Variants in IGF1R observed in about 807,000 individuals in gnomAD.
IGF1R encodes insulin-like growth factor 1 receptor.
IGF1R carries 44 observed loss-of-function variants against 144.6 expected under a neutral mutation model. The observed-to-expected ratio is 0.30, with a 90% CI of 0.24 to 0.39. The LOEUF (loss-of-function observed/expected upper bound fraction) is 0.39. Ranked by LOEUF, IGF1R falls within the 10% of genes least tolerant of loss-of-function variation. The pLI is 1.00. For synonymous variants in IGF1R, 795 were observed against 722.8 expected, an observed-to-expected ratio of 1.10 and a Z score of -1.60; for missense variants, 1,355 against 1,833.7, an observed-to-expected ratio of 0.74 and a Z score of 4.77.
intron 9 of IGF1R, 161 bp from the exon 10 acceptor site, chr15:98,916,511 C>T (rs927040775): frequency 2.8e-6 from 2 of 720,452 alleles, no homozygotes; most frequent in Non-Finnish European, 4.9e-6. Context: ...ATTTGCCCGC[C>T]TCGGCCTCCC....
At chr15:98,729,062 A>AT (rs1463875672) in intron 2 of IGF1R, among the ~76,000 whole-genome samples, 2 of 152,364 alleles carry the variant, frequency 1.3e-5, no homozygotes, top group Non-Finnish European at 2.9e-5. Context: ...TACTATCATA[A>AT]TTTTTAAATT....
chr15:98,684,745 G>A (rs2053281332), intron 1 of IGF1R, among the ~76,000 whole-genome samples: 1 of 152,112 alleles, frequency 6.6e-6, no homozygotes, highest in African/African-American at 2.4e-5. Flanking sequence ...TGTGTGCTGA[G>A]AGAGCGCATG....
intron 2 of IGF1R, among the ~76,000 whole-genome samples, chr15:98,765,964 T>C (rs1164954611): frequency 1.3e-5 from 2 of 152,170 alleles, no homozygotes; most frequent in Non-Finnish European, 2.9e-5. Flanking sequence ...TCTGGTTCTG[T>C]GCAGTGGCAG....
intron 2 of IGF1R, among the ~76,000 whole-genome samples, chr15:98,732,649 A>G (rs755669041): frequency 3.9e-5 from 6 of 152,208 alleles, no homozygotes; most frequent in East Asian, 3.8e-4. Flanking sequence ...AGGAAAAGCA[A>G]TGAGCTTACG....
rs1460439441 is a variant in IGF1R, at chr15:98,959,247, C to T, written c.*1805C>T. 1.3e-5 allele frequency: 3 copies of T among 233,522 alleles called. No individual in the cohort carries two copies. The highest frequency in any genetic ancestry group is 2.5e-5 in the Non-Finnish European group (3 of 118,008). The allele number at this position is 233,522 out of a possible 1,614,324, so 14.5% of individuals were successfully genotyped here. On this transcript the variant is annotated 3_prime_UTR_variant, in exon 21 of 21. Transcript: ENST00000650285. The stretch of plus-strand genomic sequence containing the variant: ...GTACAACAGCAGTGTTAACCGCAGA[C>T]ACTAGGCATTTGGATTACTATTTTT...
rs763842788 is a variant in IGF1R, at chr15:98,707,923, C to G, written c.456C>G (p.Leu152=). The change falls in exon 2 of 21, where the codon CTC becomes CTG. Residue 152 remains leucine (L), a synonymous_variant. Coordinates refer to ENST00000650285, the MANE Select transcript of IGF1R (RefSeq NM_000875.5). The surrounding 1 kb of genome is among the most constrained non-coding windows in gnomAD (Gnocchi z 6.7). ...AGAAAAATGCTGACCTCTGTTACCT[C>G]TCCACTGTGGACTGGTCCCTGATCC... The part of the protein sequence containing the change: ...RIEKNADLCY[L]STVDWSLILD... The G allele has an allele frequency of 6.2e-7, 1 of 1,614,178 alleles. No homozygotes were observed. Among genetic ancestry groups the G allele is most frequent in the Admixed American group, 1.7e-5 (1 of 60,030 alleles).
chr15:98,908,632 G>C lies in IGF1R; in HGVS notation c.1248-53G>C, dbSNP rs895874599. 13 of 1,394,110 alleles carry C rather than the reference G, an allele frequency of 9.3e-6. No individual in the cohort carries two copies. The East Asian group carries it at 2.8e-4, about 30-fold the overall frequency. 86.4% of individuals were successfully genotyped at this position (1,394,110 alleles called of 1,614,324 possible). A position where few individuals can be genotyped will look rare whatever the true frequency, so the allele number is the denominator to read the frequency against. On this transcript the variant is annotated intron_variant, in intron 5 of 20. Coordinates refer to ENST00000650285, the MANE Select transcript of IGF1R (RefSeq NM_000875.5). ...CCTGTGTTACGTGGCCAGCAGGCTA[G>C]AGGGGACTGTGGCCAAGGGCAGGTG...
chr15:98,801,477 G>C (rs1433044789), intron 2 of IGF1R, among the ~76,000 whole-genome samples: 1 of 152,194 alleles, frequency 6.6e-6, no homozygotes, highest in Non-Finnish European at 1.5e-5. Flanking sequence ...CTGCCTGTGT[G>C]AGCCTCGACA....
At chr15:98,785,110 A>G (rs1170169776) in intron 2 of IGF1R, among the ~76,000 whole-genome samples, 1 of 152,234 alleles carries the variant, frequency 6.6e-6, no homozygotes, top group African/African-American at 2.4e-5. Flanking sequence ...TATGATTACA[A>G]TTTTAAAATT....
At chr15:98,947,398 C>T (rs1350078682) in intron 19 of IGF1R, among the ~76,000 whole-genome samples, 1 of 152,210 alleles carries the variant, frequency 6.6e-6, no homozygotes, top group African/African-American at 2.4e-5. Flanking sequence ...TGGAAATCTC[C>T]TGCCCCAGGT....
rs777660537 is a variant in IGF1R, at chr15:98,707,002, C to T, written c.95-560C>T. ...ACGTGTGGAGAGAACACAGTCTACT[C>T]GGCTTATGTCAAATGGTAGTGGGAA... On this transcript the variant is annotated intron_variant, in intron 1 of 20. Transcript: ENST00000650285. This position sits in a 1 kb window ranked among gnomAD's most constrained non-coding sequence, Gnocchi z 6.7. Among the ~76,000 whole-genome samples the T allele has an allele frequency of 2.6e-5, 4 of 152,126 alleles. No individual in the cohort carries two copies. Among genetic ancestry groups the T allele is most frequent in the Non-Finnish European group, 4.4e-5 (3 of 68,030 alleles).
intron 19 of IGF1R, among the ~76,000 whole-genome samples, chr15:98,943,628 G>T (rs2016446231): frequency 2.0e-5 from 3 of 152,210 alleles, no homozygotes; most frequent in South Asian, 4.1e-4. Flanking sequence ...TCGACCGAGG[G>T]ATCAGAGGCC....
At chr15:98,725,373 A>G (rs745956943) in intron 2 of IGF1R, among the ~76,000 whole-genome samples, 3 of 152,186 alleles carry the variant, frequency 2.0e-5, no homozygotes, top group Non-Finnish European at 2.9e-5. Context: ...TCCCATGTTG[A>G]TGAAAGGGCA....
chr15:98,751,826 A>T (rs2055019214), intron 2 of IGF1R, among the ~76,000 whole-genome samples: 1 of 152,208 alleles, frequency 6.6e-6, no homozygotes. Context: ...CACGAATAAG[A>T]AAAATAAGGG....
At chr15:98,663,564 A>G (rs557732105) in intron 1 of IGF1R, among the ~76,000 whole-genome samples, 17 of 152,336 alleles carry the variant, frequency 1.1e-4, no homozygotes, top group African/African-American at 3.8e-4. Context: ...TCTCCTCTAA[A>G]AATGAAGGTG....
chr15:98,865,166 T>C (rs1422739804), intron 2 of IGF1R, among the ~76,000 whole-genome samples: 1 of 152,218 alleles, frequency 6.6e-6, no homozygotes, highest in Non-Finnish European at 1.5e-5. Flanking sequence ...ATATAGCTTT[T>C]GAAGGGGAGA....
intron 2 of IGF1R, among the ~76,000 whole-genome samples, chr15:98,772,757 G>A (rs1332241778): frequency 6.7e-6 from 1 of 148,366 alleles, no homozygotes; most frequent in African/African-American, 2.5e-5. Flanking sequence ...TTTTTTCCTT[G>A]TTGGGGAGGA....
chr15:98,894,658 AT>A (rs1567182599), intron 3 of IGF1R, among the ~76,000 whole-genome samples: 3 of 152,286 alleles, frequency 2.0e-5, no homozygotes, highest in African/African-American at 7.2e-5. Flanking sequence ...GATCCCAGCA[AT>A]TTGGGAGGCT....
intron 2 of IGF1R, among the ~76,000 whole-genome samples, chr15:98,732,052 A>T (rs150691894): frequency 6.6e-6 from 1 of 152,298 alleles, no homozygotes; most frequent in Non-Finnish European, 1.5e-5. Flanking sequence ...GCAACTACTG[A>T]GCTCAGCTTT....
Sources: allele counts gnomAD v4.1 joint callset (sites outside exome capture counted in the v4.1 genomes callset), GRCh38; gene constraint gnomAD v4.1.1; non-coding constraint Gnocchi (gnomAD v3.1); transcripts MANE v1.5; gene names NCBI Gene and HGNC (gene_info 2026-07-23, HGNC 2026-07-21).